The following RBFOX1 variants were observed in gnomAD, a reference collection of about 807,000 sequenced individuals.
RBFOX1 encodes RNA binding fox-1 homolog 1.
Under a neutral mutation model 57.7 loss-of-function variants are expected in RBFOX1, and 8 were observed. The observed-to-expected ratio is 0.14, with a 90% CI of 0.08 to 0.25. RBFOX1 has a LOEUF of 0.25. Among genes scored for constraint, RBFOX1 ranks in the 10% least tolerant of loss-of-function variants. RBFOX1 has a pLI of 1.00. For synonymous variants in RBFOX1, 326 were observed against 222.4 expected (o/e 1.47, Z -4.15); for missense variants, 611 against 548.5 (o/e 1.11, Z -1.14).
At chr16:6,656,492 A>G (rs371554943) in intron 3 of RBFOX1, among the ~76,000 whole-genome samples, 11 of 152,134 alleles carry the variant, frequency 7.2e-5, no homozygotes, top group South Asian at 6.2e-4. Context: ...GATGATGGCA[A>G]CTGCCCTGGT....
chr16:7,706,157 C>G (rs1171014519), intron 14 of RBFOX1, among the ~76,000 whole-genome samples: 1 of 152,140 alleles, frequency 6.6e-6, no homozygotes, highest in Non-Finnish European at 1.5e-5. Context: ...AACCTTGTGA[C>G]TAAATTGTAG....
intron 2 of RBFOX1, among the ~76,000 whole-genome samples, chr16:6,504,303 C>T (rs2096027613): frequency 1.3e-5 from 2 of 152,176 alleles, no homozygotes; most frequent in African/African-American, 4.8e-5. Flanking sequence ...TTAAAGGCAC[C>T]AGTGCATCCA....
chr16:6,808,185 T>C (rs1229003554), intron 3 of RBFOX1, among the ~76,000 whole-genome samples: 1 of 146,774 alleles, frequency 6.8e-6, no homozygotes, highest in East Asian at 2.0e-4. Flanking sequence ...TGTGTATATA[T>C]ATATATATAT....
chr16:6,735,081 G>A (rs574417172), intron 3 of RBFOX1, among the ~76,000 whole-genome samples: 1 of 152,066 alleles, frequency 6.6e-6, no homozygotes, highest in Non-Finnish European at 1.5e-5. Context: ...GGAAGTCAAG[G>A]CTTCAGCGAG....
At chr16:5,865,233 G>A (rs2057318747) in intron 3 of RBFOX1, among the ~76,000 whole-genome samples, 1 of 152,186 alleles carries the variant, frequency 6.6e-6, no homozygotes, top group Non-Finnish European at 1.5e-5. Flanking sequence ...TTTCAGCAGA[G>A]AAATACACAC....
At chr16:5,523,953 C>T (rs1277290011) in intron 2 of RBFOX1, among the ~76,000 whole-genome samples, 4 of 152,128 alleles carry the variant, frequency 2.6e-5, no homozygotes, top group South Asian at 2.1e-4. Context: ...CCTCCCCCAG[C>T]GCTTGCCTCC....
intron 1 of RBFOX1, among the ~76,000 whole-genome samples, chr16:5,399,746 AT>A (rs1017981989): frequency 2.5e-4 from 32 of 130,338 alleles, no homozygotes; most frequent in East Asian, 1.8e-3. Flanking sequence ...AAAAAAAAAA[AT>A]TTTTTTTTTT....
intron 4 of RBFOX1, among the ~76,000 whole-genome samples, chr16:7,215,965 C>T (rs867935657): frequency 9.9e-5 from 15 of 152,226 alleles, no homozygotes; most frequent in Middle Eastern, 3.4e-3. Flanking sequence ...CCTTGTGATC[C>T]GCACGCCTCG....
chr16:6,688,162 G>T (rs1198154108), intron 3 of RBFOX1, among the ~76,000 whole-genome samples: 1 of 151,912 alleles, frequency 6.6e-6, no homozygotes, highest in African/African-American at 2.4e-5. Context: ...GGAGGTTTCA[G>T]AAGACTTTCA....
chr16:6,968,925 A>C (rs1259855518), intron 3 of RBFOX1, among the ~76,000 whole-genome samples: 1 of 152,038 alleles, frequency 6.6e-6, no homozygotes, highest in African/African-American at 2.4e-5. Context: ...ATTAGAGGAA[A>C]GTTCCCAGTC....
intron 4 of RBFOX1, among the ~76,000 whole-genome samples, chr16:5,917,575 C>G (rs2058735457): frequency 6.6e-6 from 1 of 152,184 alleles, no homozygotes; most frequent in African/African-American, 2.4e-5. Context: ...AGGAAGGAGA[C>G]TCAAACTCTG....
intron 3 of RBFOX1, among the ~76,000 whole-genome samples, chr16:5,714,935 T>C (rs1052747225): frequency 1.3e-5 from 2 of 152,216 alleles, no homozygotes; most frequent in Admixed American, 1.3e-4. Context: ...TGCTGAAATA[T>C]CTGTTGGATG....
At chr16:6,791,381 T>C (rs2082908968) in intron 3 of RBFOX1, among the ~76,000 whole-genome samples, 1 of 152,220 alleles carries the variant, frequency 6.6e-6, no homozygotes, top group African/African-American at 2.4e-5. Context: ...CAGGCAGGAC[T>C]GGCTGTCTAA....
chr16:6,608,445 T>C (rs1419703127), intron 2 of RBFOX1, among the ~76,000 whole-genome samples: 3 of 152,186 alleles, frequency 2.0e-5, no homozygotes, highest in Non-Finnish European at 2.9e-5. Context: ...TTCACCCTTA[T>C]TCGTTTCCTG....
chr16:6,218,123 C>A (rs1219988030), intron 1 of RBFOX1, among the ~76,000 whole-genome samples: 4 of 151,932 alleles, frequency 2.6e-5, no homozygotes, highest in African/African-American at 9.7e-5. Flanking sequence ...AGAATGAGTC[C>A]CATACACATT....
At chr16:6,753,511 C>T (rs2075299740) in intron 3 of RBFOX1, among the ~76,000 whole-genome samples, 1 of 152,120 alleles carries the variant, frequency 6.6e-6, no homozygotes, top group East Asian at 1.9e-4. Context: ...TCTCCTATAC[C>T]ATGTCTCTCT....
intron 4 of RBFOX1, among the ~76,000 whole-genome samples, chr16:7,361,432 G>A (rs866359700): frequency 6.6e-6 from 1 of 152,160 alleles, no homozygotes; most frequent in African/African-American, 2.4e-5. Flanking sequence ...CCTAAAGCTT[G>A]AAAGAACGGT....
intron 3 of RBFOX1, among the ~76,000 whole-genome samples, chr16:6,802,640 G>A (rs1013085719): frequency 6.6e-6 from 1 of 152,182 alleles, no homozygotes; most frequent in South Asian, 2.1e-4. Flanking sequence ...TTGTGCTACT[G>A]TACTCCAGCC....
At chr16:7,332,931 G>A (rs1318471775) in intron 4 of RBFOX1, 4 of 1,608,918 alleles carry the variant, frequency 2.5e-6, no homozygotes, top group South Asian at 2.2e-5. Flanking sequence ...AAGAAGTTGG[G>A]TCTATAGATT....
Sources: gnomAD v4.1 joint callset for allele counts (sites outside exome capture counted in the v4.1 genomes callset) on GRCh38, gnomAD v4.1.1 for gene constraint, MANE v1.5 for transcripts, NCBI Gene and HGNC (gene_info 2026-07-23, HGNC 2026-07-21) for gene names.